Variants in C10orf90 observed in about 807,000 individuals in gnomAD.
The protein encoded by C10orf90 is chromosome 10 open reading frame 90.
Under a neutral mutation model 62.5 loss-of-function variants are expected in C10orf90, and 56 were observed. The observed-to-expected ratio is 0.90, with a 90% confidence interval of 0.72 to 1.12. The LOEUF (loss-of-function observed/expected upper bound fraction) is 1.12. C10orf90 is among the 50% of genes most tolerant of loss of function. C10orf90 has a pLI of 0.00. For missense variants in C10orf90, 970 were observed against 880.4 expected, an observed-to-expected ratio of 1.10 and a Z score of -1.29; for synonymous variants, 386 against 340.4, an observed-to-expected ratio of 1.13 and a Z score of -1.47.
intron 4 of C10orf90, among the ~76,000 whole-genome samples, chr10:126,491,403 A>C (rs1192497517): frequency 1.3e-5 from 2 of 152,266 alleles, no homozygotes; most frequent in Admixed American, 1.3e-4. Context: ...AGGTATATAC[A>C]TAAAATGTGT....
intron 2 of C10orf90, among the ~76,000 whole-genome samples, chr10:126,569,624 G>A (rs1591108183): frequency 6.6e-6 from 1 of 152,182 alleles, no homozygotes; most frequent in East Asian, 1.9e-4. Flanking sequence ...CAGAAGCCAG[G>A]GTGAACAGAA....
chr10:126,558,767 G>C (rs186446399), intron 2 of C10orf90, among the ~76,000 whole-genome samples: 1 of 152,322 alleles, frequency 6.6e-6, no homozygotes, highest in African/African-American at 2.4e-5. Context: ...TAACCCACTA[G>C]TAATGTGTCT....
intron 2 of C10orf90, among the ~76,000 whole-genome samples, chr10:126,622,802 G>A (rs1239352825): frequency 1.3e-5 from 2 of 152,172 alleles, no homozygotes; most frequent in African/African-American, 4.8e-5. Flanking sequence ...TAACCATGCT[G>A]TAGTCAGAAA....
intron 2 of C10orf90, among the ~76,000 whole-genome samples, chr10:126,616,613 A>G (rs973746303): frequency 1.3e-5 from 2 of 152,182 alleles, no homozygotes; most frequent in Non-Finnish European, 2.9e-5. Flanking sequence ...GGTCAGCAAC[A>G]TGGTGGCTCT....
At chr10:126,589,398 C>T (rs952502119) in intron 2 of C10orf90, among the ~76,000 whole-genome samples, 8 of 151,942 alleles carry the variant, frequency 5.3e-5, no homozygotes, top group East Asian at 1.9e-4. Context: ...CCCCAAGACA[C>T]GATCATCAGA....
chr10:126,586,213 A>G (rs941742795), intron 2 of C10orf90, among the ~76,000 whole-genome samples: 1 of 152,222 alleles, frequency 6.6e-6, no homozygotes, highest in African/African-American at 2.4e-5. Context: ...TCACAAACCA[A>G]TATCAGGTGG....
intron 2 of C10orf90, among the ~76,000 whole-genome samples, chr10:126,603,020 AAGGAGGG>A (rs2134043504): frequency 6.6e-6 from 1 of 151,830 alleles, no homozygotes; most frequent in East Asian, 1.9e-4. Context: ...AAGCAGAGAG[AAGGAGGG>A]AGGAGAGAGG....
intron 2 of C10orf90, chr10:126,523,041 A>G (rs1358614332): frequency 6.6e-6 from 1 of 152,250 alleles, no homozygotes; most frequent in African/African-American, 2.4e-5. Context: ...GTGTGTTATT[A>G]GATACAGTTT....
intron 4 of C10orf90, among the ~76,000 whole-genome samples, chr10:126,480,838 T>C (rs1861126816): frequency 6.6e-6 from 1 of 152,232 alleles, no homozygotes; most frequent in South Asian, 2.1e-4. Flanking sequence ...TCTTGCTTTG[T>C]TGACTTTCCT....
intron 4 of C10orf90, among the ~76,000 whole-genome samples, chr10:126,467,229 C>T (rs533383634): frequency 6.6e-6 from 1 of 152,260 alleles, no homozygotes; most frequent in Non-Finnish European, 1.5e-5. Flanking sequence ...AGAGTTAAAG[C>T]AACTCAGAGA....
At chr10:126,438,296 G>A (rs193251886) in intron 7 of C10orf90, among the ~76,000 whole-genome samples, 398 of 152,340 alleles carry the variant, frequency 2.6e-3, no homozygotes, top group African/African-American at 7.1e-3. Flanking sequence ...GACAGTGCCA[G>A]ATTTCTATGG....
chr10:126,460,618 G>A (rs1646390274), intron 6 of C10orf90, among the ~76,000 whole-genome samples: 1 of 152,172 alleles, frequency 6.6e-6, no homozygotes, highest in Non-Finnish European at 1.5e-5. Context: ...CCTAGGAACA[G>A]CCTGGTGGCT....
chr10:126,641,566 TA>T (rs2133844210), intron 2 of C10orf90, among the ~76,000 whole-genome samples: 1 of 152,120 alleles, frequency 6.6e-6, no homozygotes, highest in African/African-American at 2.4e-5. Flanking sequence ...ACATTTCCCC[TA>T]AATGATTTCC....
chr10:126,474,921 C>T lies in C10orf90; in HGVS notation c.1535-9935G>A, dbSNP rs1564818255. 1.3e-5 allele frequency among the ~76,000 whole-genome samples: 2 copies of T among 152,208 alleles called. 1 individual carries two copies. The highest frequency in any genetic ancestry group is 4.1e-4 in the South Asian group (2 of 4,834). ...CCTCTGTCAGCAAGTAAGCCAAGGG[C>T]AAGCCGCAGAGATCTAAGGACGAGG... On this transcript the variant is annotated intron_variant, in intron 4 of 9. Transcript: ENST00000488181.
At chr10:126,625,388 C>G (rs936172259) in intron 2 of C10orf90, among the ~76,000 whole-genome samples, 12 of 152,198 alleles carry the variant, frequency 7.9e-5, no homozygotes, top group Non-Finnish European at 2.9e-5. Flanking sequence ...CAGCTCACCA[C>G]AGTGTTACTT....
In C10orf90 at chr10:126,591,496, T is replaced by A. The variant is rs796517708; in HGVS notation, c.313+55069A>T. Among the ~76,000 whole-genome samples the A allele has an allele frequency of 4.6e-5, 7 of 152,100 alleles. 1 individual carries two copies. Among genetic ancestry groups the A allele is most frequent in the African/African-American group, 1.4e-4 (6 of 41,490 alleles). On this transcript the variant is annotated intron_variant, in intron 2 of 9. Transcript: ENST00000488181. ...AAGAGGCCTTCAATAAAATTCAACA[T>A]CCCTTCATGTTAAAAACTCTCAGCA...
chr10:126,501,049 A>AAT, intron 4 of C10orf90, among the ~76,000 whole-genome samples: 1 of 152,380 alleles, frequency 6.6e-6, no homozygotes, highest in African/African-American at 2.4e-5. Flanking sequence ...GAAGACTGCT[A>AAT]ATAGCATGTG....
At chr10:126,607,562 G>A (rs1043714221) in intron 2 of C10orf90, among the ~76,000 whole-genome samples, 4 of 152,172 alleles carry the variant, frequency 2.6e-5, no homozygotes, top group Non-Finnish European at 5.9e-5. Flanking sequence ...ACTTCTGCGT[G>A]CCTCCTTTAT....
chr10:126,463,906 G>A (rs566592505), intron 5 of C10orf90, among the ~76,000 whole-genome samples: 3 of 152,016 alleles, frequency 2.0e-5, no homozygotes, highest in South Asian at 4.2e-4. Flanking sequence ...TTCTCTAAAC[G>A]ATTAATGAAT....
Sources: allele counts gnomAD v4.1 joint callset (sites outside exome capture counted in the v4.1 genomes callset), GRCh38; gene constraint gnomAD v4.1.1; transcripts MANE v1.5; gene names NCBI Gene and HGNC (gene_info 2026-07-23, HGNC 2026-07-21).